VHL: variants seen among roughly 807,000 people sequenced by gnomAD.
VHL encodes the protein von Hippel-Lindau tumor suppressor.
In VHL, 10 loss-of-function variants were observed where a neutral mutation model predicts 19.2. The observed-to-expected ratio is 0.52, with a 90% CI of 0.32 to 0.89. VHL has a LOEUF of 0.89. Among genes scored for constraint, VHL ranks in the 40% least tolerant of loss-of-function variants. The pLI is 0.03. For missense variants in VHL, 328 were observed against 292.7 expected, an observed-to-expected ratio of 1.12 and a Z score of -0.88; for synonymous variants, 167 against 129.5, an observed-to-expected ratio of 1.29 and a Z score of -1.97.
chr3:10,142,304 C>A, intron 1 of VHL, 117 bp downstream of exon 1: 20 of 1,000,648 alleles, frequency 2.0e-5, no homozygotes, highest in Non-Finnish European at 2.9e-5. Context: ...AGGCAGGACA[C>A]ATCCAGGGTG....
chr3:10,151,579 T>C lies in VHL; in HGVS notation c.*1614T>C. On this transcript the variant is annotated 3_prime_UTR_variant, in exon 3 of 3. Transcript: ENST00000256474. The stretch of plus-strand genomic sequence containing the variant: ...AGATTTTGGTTGGTTTTTACATAGT[T>C]GAGATTGTACTGTTCATACAGTTTT... 1 of 225,204 alleles carries C rather than the reference T, an allele frequency of 4.4e-6. No homozygotes were observed. Among genetic ancestry groups the C allele is most frequent in the East Asian group, 6.5e-5 (1 of 15,424 alleles). 14.0% of individuals were successfully genotyped at this position (225,204 alleles called of 1,614,324 possible). A position where few individuals can be genotyped will look rare whatever the true frequency, so the allele number is the denominator to read the frequency against.
rs1271456868 is a variant in VHL at position 10,152,118 on chromosome 3, A to C, written c.*2153A>C. 1 of 159,482 alleles carries C rather than the reference A, an allele frequency of 6.3e-6. No homozygotes were observed. Among genetic ancestry groups the C allele is most frequent in the African/African-American group, 2.4e-5 (1 of 41,384 alleles). 9.9% of individuals were successfully genotyped at this position (159,482 alleles called of 1,614,324 possible). Reference sequence around the variant, plus strand: ...CATGGTGGCTCACGCCTGTAATCCCAGCACTTTGGGAGGTCGAGGTGGGCA... The same window carrying C: ...CATGGTGGCTCACGCCTGTAATCCCCGCACTTTGGGAGGTCGAGGTGGGCA... On this transcript the variant is annotated 3_prime_UTR_variant, in exon 3 of 3. Coordinates refer to ENST00000256474, the MANE Select transcript of VHL (RefSeq NM_000551.4).
At chr3:10,146,479 T>A (rs2125128148) in intron 1 of VHL, 35 bp from the exon 2 acceptor site, 2 of 1,611,656 alleles carry the variant, frequency 1.2e-6, no homozygotes, top group Non-Finnish European at 1.7e-6. Flanking sequence ...CAGCCACCGG[T>A]GTGGCTCTTT....
chr3:10,146,030 T>C (rs544928783), intron 1 of VHL, among the ~76,000 whole-genome samples: 1 of 152,238 alleles, frequency 6.6e-6, no homozygotes, highest in South Asian at 2.1e-4. Flanking sequence ...TTCTCATCTG[T>C]AAATGGATCT....
At chr3:10,144,900 G>T (rs750049883) in intron 1 of VHL, among the ~76,000 whole-genome samples, 1 of 152,110 alleles carries the variant, frequency 6.6e-6, no homozygotes, top group Non-Finnish European at 1.5e-5. Flanking sequence ...CATTACTTTT[G>T]AAGGTACTTA....
Position 10,151,185 on chromosome 3 carries a change from T to C in VHL, c.*1220T>C, listed in dbSNP as rs1696401589. The C allele has an allele frequency of 5.1e-6, 1 of 197,260 alleles. No homozygotes were observed. Among genetic ancestry groups the C allele is most frequent in the African/African-American group, 2.3e-5 (1 of 43,394 alleles). The allele number at this position is 197,260 out of a possible 1,614,324, so 12.2% of individuals were successfully genotyped here. A position where few individuals can be genotyped will look rare whatever the true frequency, so the allele number is the denominator to read the frequency against. On this transcript the variant is annotated 3_prime_UTR_variant, in exon 3 of 3. Transcript: ENST00000256474. ...GTGTGGGCCACCGTGCCTGGCTGATTCAGCATTTTTTATCAGGCAGGACCA... is the reference window on the plus strand; with the variant it reads ...GTGTGGGCCACCGTGCCTGGCTGATCCAGCATTTTTTATCAGGCAGGACCA...
chr3:10,147,208 C>T (rs1696282457), intron 2 of VHL, among the ~76,000 whole-genome samples: 1 of 151,918 alleles, frequency 6.6e-6, no homozygotes, highest in South Asian at 2.1e-4. Flanking sequence ...GACGGGGTTT[C>T]ACCGTGTTAG....
chr3:10,142,341 C>CTTTTTTTTTT, intron 1 of VHL, among the ~76,000 whole-genome samples, 154 bp downstream of exon 1: 1 of 107,960 alleles, frequency 9.3e-6, no homozygotes, highest in Non-Finnish European at 1.7e-5. Context: ...TCAGAGCATT[C>CTTTTTTTTTT]TTTTTTTTTT....
At chr3:10,144,690 A>T (rs1575925586) in intron 1 of VHL, among the ~76,000 whole-genome samples, 1 of 151,260 alleles carries the variant, frequency 6.6e-6, no homozygotes, top group Admixed American at 6.6e-5. Flanking sequence ...TTCTTTTTTT[A>T]TTTTTATTTT....
intron 2 of VHL, among the ~76,000 whole-genome samples, chr3:10,146,892 G>GT (rs1171872370): frequency 6.6e-6 from 1 of 152,164 alleles, no homozygotes; most frequent in Admixed American, 6.6e-5. Context: ...TCATAGGTTA[G>GT]TTTTGTAGAA....
intron 1 of VHL, among the ~76,000 whole-genome samples, chr3:10,143,348 C>T (rs113155786): frequency 6.6e-6 from 1 of 151,994 alleles, no homozygotes; most frequent in Non-Finnish European, 1.5e-5. Flanking sequence ...AGGCTGGTCT[C>T]GAACTCCTGA....
At chr3:10,144,099 GCTC>G (rs1696195608) in intron 1 of VHL, among the ~76,000 whole-genome samples, 1 of 151,956 alleles carries the variant, frequency 6.6e-6, no homozygotes, top group African/African-American at 2.4e-5. Context: ...ATTTCTGTAG[GCTC>G]CTATTTTATA....
rs121913347 is a variant in VHL, at chr3:10,149,945, C to T, written c.622C>T (p.His208Tyr). 6.2e-7 allele frequency: 1 copy of T among 1,614,070 alleles called. No individual in the cohort carries two copies. The highest frequency in any genetic ancestry group is 1.1e-5 in the South Asian group (1 of 91,076). ...LERLTQERIA[H>Y]QRMGD ...GCGGCTGACACAGGAGCGCATTGCA[C>T]ATCAACGGATGGGAGATTGAAGATT... The change falls in exon 3 of 3, where the codon CAT becomes TAT. Residue 208 changes from histidine (H) to tyrosine (Y), a missense_variant. By Grantham distance (83) the His-to-Tyr change is moderately conservative (BLOSUM62 2). Coordinates refer to ENST00000256474, the MANE Select transcript of VHL (RefSeq NM_000551.4).
At chr3:10,145,740 G>A (rs1696240344) in intron 1 of VHL, among the ~76,000 whole-genome samples, 2 of 151,664 alleles carry the variant, frequency 1.3e-5, no homozygotes, top group African/African-American at 4.8e-5. Context: ...AGAAAATTCT[G>A]GTATAATTTA....
In VHL at chr3:10,142,069, C is replaced by G. The variant is rs759737367; in HGVS notation, c.222C>G (p.Val74=). 5.0e-6 allele frequency: 8 copies of G among 1,607,214 alleles called. No homozygotes were observed. Among genetic ancestry groups the G allele is most frequent in the Non-Finnish European group, 6.8e-6 (8 of 1,179,420 alleles). Reference sequence around the variant, plus strand: ...TGAACTCGCGCGAGCCCTCCCAGGTCATCTTCTGCAATCGCAGTCCGCGCG... The same window carrying G: ...TGAACTCGCGCGAGCCCTCCCAGGTGATCTTCTGCAATCGCAGTCCGCGCG... ...RSVNSREPSQ[V]IFCNRSPRVV... The change falls in exon 1 of 3, where the codon GTC becomes GTG. Residue 74 remains valine (V), a synonymous_variant. Transcript: ENST00000256474.
intron 1 of VHL, among the ~76,000 whole-genome samples, chr3:10,145,760 A>G (rs2125127646): frequency 6.6e-6 from 1 of 152,224 alleles, no homozygotes; most frequent in East Asian, 1.9e-4. Context: ...ACATACAGTA[A>G]AATGCACAGA....
chr3:10,144,377 G>C (rs1696202161), intron 1 of VHL, among the ~76,000 whole-genome samples: 1 of 152,032 alleles, frequency 6.6e-6, no homozygotes, highest in South Asian at 2.1e-4. Context: ...TTGGGAAGCT[G>C]AGGCAGGAAG....
rs201482330 is a variant in VHL at position 10,146,575 on chromosome 3, A to G, written c.402A>G (p.Glu134=). Residue 134 remains glutamate (E), a synonymous_variant, in exon 2 of 3, where the codon GAA becomes GAG. Coordinates refer to ENST00000256474, the MANE Select transcript of VHL (RefSeq NM_000551.4). ...ATGGGCTTCTGGTTAACCAAACTGA[A>G]TTATTTGTGCCATCTCTCAATGTTG... The part of the protein sequence containing the change: ...THDGLLVNQT[E]LFVPSLNVDG... 3.1e-6 allele frequency: 5 copies of G among 1,613,960 alleles called. No individual in the cohort carries two copies. Among genetic ancestry groups the G allele is most frequent in the East Asian group, 2.2e-5 (1 of 44,856 alleles).
rs146298896 is a variant in VHL at position 10,150,287 on chromosome 3, A to G, written c.*322A>G. 28 of 1,279,686 alleles carry G rather than the reference A, an allele frequency of 2.2e-5. No individual in the cohort carries two copies. In the East Asian group the frequency reaches 8.3e-4, roughly 38 times the overall value. The allele number at this position is 1,279,686 out of a possible 1,614,324, so 79.3% of individuals were successfully genotyped here. A position where few individuals can be genotyped will look rare whatever the true frequency, so the allele number is the denominator to read the frequency against. ...TAAGTAATTCAGTGGGAATTGCAGCATATCGTTTAATTTTAAGAAGGCATT... is the reference window on the plus strand; with the variant it reads ...TAAGTAATTCAGTGGGAATTGCAGCGTATCGTTTAATTTTAAGAAGGCATT... On this transcript the variant is annotated 3_prime_UTR_variant, in exon 3 of 3. Transcript: ENST00000256474.
Sources: allele counts gnomAD v4.1 joint callset (sites outside exome capture counted in the v4.1 genomes callset), GRCh38; gene constraint gnomAD v4.1.1; transcripts MANE v1.5; gene names NCBI Gene and HGNC (gene_info 2026-07-23, HGNC 2026-07-21).